SRCIN1: variants seen among roughly 807,000 people sequenced by gnomAD.
The protein encoded by SRCIN1 is P130Cas-associated protein.
A neutral mutation model predicts 116.2 loss-of-function variants in SRCIN1; 50 were observed. That is an observed-to-expected ratio of 0.43 (90% CI 0.34 to 0.54). The LOEUF (loss-of-function observed/expected upper bound fraction) is 0.54, where lower values mean the gene tolerates loss of function less well. Among genes scored for constraint, SRCIN1 ranks in the 20% least tolerant of loss-of-function variants. SRCIN1 has a pLI of 0.02. For synonymous variants in SRCIN1, 736 were observed against 750.0 expected (o/e 0.98, Z 0.30); for missense variants, 1,446 against 1,672.0 (o/e 0.86, Z 2.36).
intron 1 of SRCIN1, among the ~76,000 whole-genome samples, chr17:38,589,470 G>A (rs549994209): frequency 6.6e-6 from 1 of 152,318 alleles, no homozygotes; most frequent in Admixed American, 6.5e-5. Context: ...GACATCTTCA[G>A]CTCCTTTTCC....
At chr17:38,579,508 G>A (rs1567876648) in intron 1 of SRCIN1, among the ~76,000 whole-genome samples, 1 of 152,196 alleles carries the variant, frequency 6.6e-6, no homozygotes, top group African/African-American at 2.4e-5. Context: ...AGGACAGTGA[G>A]AGATGGATTT....
rs1244331624 is a variant in SRCIN1 at position 38,604,786 on chromosome 17, GA to G, written c.22+897del. Among the ~76,000 whole-genome samples, 1 of 152,012 alleles carries G rather than the reference GA, an allele frequency of 6.6e-6. No homozygotes were observed. The highest frequency in any genetic ancestry group is 1.5e-5 in the Non-Finnish European group (1 of 67,964). On this transcript the variant is annotated intron_variant, in intron 1 of 18. Coordinates refer to ENST00000617146, the MANE Select transcript of SRCIN1 (RefSeq NM_025248.3). The surrounding 1 kb of genome is among the most constrained non-coding windows in gnomAD (Gnocchi z 4.3). ...CGTAGCAGGGGGGTGCGTGGGAGGGGAGGGGGGGCCACGGTGCGTCCCCTTC... is the reference window on the plus strand; with the variant it reads ...CGTAGCAGGGGGGTGCGTGGGAGGGGGGGGGGGCCACGGTGCGTCCCCTTC...
In SRCIN1 at chr17:38,563,869, G is replaced by A. The variant is rs966102906; in HGVS notation, c.541+249C>T. The A allele has an allele frequency of 4.9e-6, 3 of 610,714 alleles. No individual in the cohort carries two copies. The highest frequency in any genetic ancestry group is 2.0e-5 in the South Asian group (1 of 50,916). 37.8% of individuals were successfully genotyped at this position (610,714 alleles called of 1,614,324 possible). ...GAAGGGAGATGGGAGAGAAGGGAGG[G>A]ATGAAAGAAAGGGACAGAAAAGGAA... is the stretch of plus-strand genomic sequence containing the variant. On this transcript the variant is annotated intron_variant, in intron 4 of 18. Transcript: ENST00000617146. The surrounding 1 kb of genome is among the most constrained non-coding windows in gnomAD (Gnocchi z 5.8).
At position 38,604,532 on chromosome 17, in the gene SRCIN1, C is replaced by T. The variant is rs1180009690; in HGVS notation, c.22+1152G>A. On this transcript the variant is annotated intron_variant, in intron 1 of 18. Transcript: ENST00000617146. The surrounding 1 kb of genome is among the most constrained non-coding windows in gnomAD (Gnocchi z 4.3). ...CGGTCCAGCCTCCTCCCTGGGAGAGCGGGCTCTGCCCTCCGCCGTCCTCTC... is the reference window on the plus strand; with the variant it reads ...CGGTCCAGCCTCCTCCCTGGGAGAGTGGGCTCTGCCCTCCGCCGTCCTCTC... 4.4e-6 allele frequency: 2 copies of T among 455,274 alleles called. No individual in the cohort carries two copies. Among genetic ancestry groups the T allele is most frequent in the South Asian group, 1.6e-5 (1 of 64,384 alleles). The allele number at this position is 455,274 out of a possible 1,614,324, so 28.2% of individuals were successfully genotyped here. A position where few individuals can be genotyped will look rare whatever the true frequency, so the allele number is the denominator to read the frequency against.
In SRCIN1 at chr17:38,604,444, T is replaced by A. The variant is rs2143485510; in HGVS notation, c.22+1240A>T. 6.8e-6 allele frequency: 3 copies of A among 439,178 alleles called. No individual in the cohort carries two copies. The highest frequency in any genetic ancestry group is 4.8e-5 in the South Asian group (3 of 62,122). The allele number at this position is 439,178 out of a possible 1,614,324, so 27.2% of individuals were successfully genotyped here. A position where few individuals can be genotyped will look rare whatever the true frequency, so the allele number is the denominator to read the frequency against. On this transcript the variant is annotated intron_variant, in intron 1 of 18. Coordinates refer to ENST00000617146, the MANE Select transcript of SRCIN1 (RefSeq NM_025248.3). The surrounding 1 kb of genome is among the most constrained non-coding windows in gnomAD (Gnocchi z 4.3). The stretch of plus-strand genomic sequence containing the variant: ...CATTTGAGGAGGGGGGCTGGGAAGA[T>A]CCCCCTCCTTGCATACTTCCCCGCG...
chr17:38,551,594 C>T (rs1219442528), intron 14 of SRCIN1: 1 of 642,956 alleles, frequency 1.6e-6, no homozygotes, highest in Non-Finnish European at 2.7e-6. Flanking sequence ...TTATATACTA[C>T]ATTCGTGATA....
At chr17:38,605,021 T>A (rs1909282746) in intron 1 of SRCIN1, among the ~76,000 whole-genome samples, 1 of 150,958 alleles carries the variant, frequency 6.6e-6, no homozygotes, top group African/African-American at 2.4e-5. Context: ...TTTCTGCAAC[T>A]GCTGCTGAGG....
At chr17:38,599,775 C>A (rs1908922087) in intron 1 of SRCIN1, among the ~76,000 whole-genome samples, 2 of 152,312 alleles carry the variant, frequency 1.3e-5, no homozygotes, top group Middle Eastern at 3.4e-3. Flanking sequence ...TGGCTGGGCC[C>A]AAGCCCAGTG....
chr17:38,539,977 C>T (rs959749080), intron 18 of SRCIN1, among the ~76,000 whole-genome samples: 11 of 145,108 alleles, frequency 7.6e-5, no homozygotes, highest in Non-Finnish European at 1.5e-4. Flanking sequence ...GCCGAGATCA[C>T]GCCACTGGAC....
intron 18 of SRCIN1, among the ~76,000 whole-genome samples, chr17:38,537,373 C>T (rs1422362102): frequency 1.3e-5 from 2 of 151,780 alleles, no homozygotes; most frequent in African/African-American, 4.8e-5. Context: ...TTGATGGCGC[C>T]ACCTGCAGTC....
At chr17:38,603,380 G>A (rs2143479569) in intron 1 of SRCIN1, among the ~76,000 whole-genome samples, 1 of 150,730 alleles carries the variant, frequency 6.6e-6, no homozygotes, top group East Asian at 2.0e-4. Context: ...AAGTAGAGGG[G>A]CAGGGGAAAG....
chr17:38,603,716 G>C (rs1395899266), intron 1 of SRCIN1, among the ~76,000 whole-genome samples: 1 of 152,068 alleles, frequency 6.6e-6, no homozygotes, highest in Non-Finnish European at 1.5e-5. Flanking sequence ...CTGGGTGCCA[G>C]GCAGTCTGGG....
At chr17:38,591,550 G>A (rs1230284868) in intron 1 of SRCIN1, among the ~76,000 whole-genome samples, 2 of 152,170 alleles carry the variant, frequency 1.3e-5, no homozygotes, top group African/African-American at 2.4e-5. Context: ...AAGTGCCTTC[G>A]CTAGTGCCCC....
In SRCIN1 at chr17:38,538,971, C is replaced by T. The variant is rs574350472; in HGVS notation, c.3417+4852G>A. Among the ~76,000 whole-genome samples the T allele has an allele frequency of 8.7e-4, 133 of 152,286 alleles. 2 individuals are homozygous for T. The highest frequency in any genetic ancestry group is 1.2e-3 in the Admixed American group (19 of 15,294). ...GATGATGCCAACAGGGTGTAAGACC[C>T]GGCGCCCAACACCCTCAGTACACAT... On this transcript the variant is annotated intron_variant, in intron 18 of 18. Transcript: ENST00000617146.
In SRCIN1 at chr17:38,531,827, A is replaced by G. The variant is rs936994713; in HGVS notation, c.*1470T>C. On this transcript the variant is annotated 3_prime_UTR_variant, in exon 19 of 19. Coordinates refer to ENST00000617146, the MANE Select transcript of SRCIN1 (RefSeq NM_025248.3). ...GTCTGGGGGGCTCTGCCTTCTGCGC[A>G]GCTCCTCCTTTCTGTGCTTGCTATG... 2.0e-5 allele frequency: 3 copies of G among 152,508 alleles called. No individual in the cohort carries two copies. The highest frequency in any genetic ancestry group is 7.3e-5 in the African/African-American group (3 of 41,362). The allele number at this position is 152,508 out of a possible 1,614,324, so 9.4% of individuals were successfully genotyped here.
Position 38,552,346 on chromosome 17 carries a change from C to T in SRCIN1, c.2480+101G>A. On this transcript the variant is annotated intron_variant, in intron 13 of 18. Transcript: ENST00000617146. The surrounding 1 kb of genome is among the most constrained non-coding windows in gnomAD (Gnocchi z 5.3). ...TGAGGTGCCAGTCCAGTCGGCACGCCAGTGACCTTTGGGGGAGTTGGGGTA... is the reference window on the plus strand; with the variant it reads ...TGAGGTGCCAGTCCAGTCGGCACGCTAGTGACCTTTGGGGGAGTTGGGGTA... The T allele has an allele frequency of 6.8e-7, 1 of 1,478,724 alleles. No individual in the cohort carries two copies. The highest frequency in any genetic ancestry group is 1.4e-5 in the South Asian group (1 of 72,314). The allele number at this position is 1,478,724 out of a possible 1,614,324, so 91.6% of individuals were successfully genotyped here.
intron 1 of SRCIN1, among the ~76,000 whole-genome samples, chr17:38,579,941 C>A (rs574109987): frequency 5.9e-5 from 9 of 152,294 alleles, no homozygotes; most frequent in African/African-American, 1.9e-4. Context: ...CATAGGGAGA[C>A]AAGCACAGCC....
intron 2 of SRCIN1, among the ~76,000 whole-genome samples, chr17:38,570,703 T>C (rs972780688): frequency 7.2e-5 from 11 of 152,194 alleles, no homozygotes; most frequent in Admixed American, 2.0e-4. Flanking sequence ...CCACACTGGC[T>C]ATGGCCTCCA....
intron 3 of SRCIN1, among the ~76,000 whole-genome samples, chr17:38,567,096 G>A (rs1906765388): frequency 6.6e-6 from 1 of 152,084 alleles, no homozygotes; most frequent in Non-Finnish European, 1.5e-5. Context: ...TGGCCAACAA[G>A]TTCTCACTAC....
Sources: allele counts gnomAD v4.1 joint callset (sites outside exome capture counted in the v4.1 genomes callset), GRCh38; gene constraint gnomAD v4.1.1; non-coding constraint Gnocchi (gnomAD v3.1); transcripts MANE v1.5; gene names NCBI Gene and HGNC (gene_info 2026-07-23, HGNC 2026-07-21).